Variants in ABCB5 observed in about 807,000 individuals in gnomAD.
The protein encoded by ABCB5 is ATP binding cassette subfamily B member 5.
In ABCB5, 155 loss-of-function variants were observed where a neutral mutation model predicts 144.2. The observed-to-expected ratio is 1.08, with a 90% CI of 0.94 to 1.23. The LOEUF is 1.23. Ranked by LOEUF, ABCB5 falls within the 50% of genes most tolerant of loss-of-function variation. The pLI, the probability that ABCB5 is intolerant of heterozygous loss-of-function variation, is 0.00. For synonymous variants in ABCB5, 610 were observed against 528.6 expected, an observed-to-expected ratio of 1.15 and a Z score of -2.11; for missense variants, 1,830 against 1,520.8, an observed-to-expected ratio of 1.20 and a Z score of -3.38.
intron 1 of ABCB5, among the ~76,000 whole-genome samples, chr7:20,617,790 T>C (rs1317448665): frequency 6.6e-6 from 1 of 152,160 alleles, no homozygotes; most frequent in African/African-American, 2.4e-5. Flanking sequence ...CTGCAAATAT[T>C]AACCAAAAGA....
In ABCB5 at chr7:20,663,638, A is replaced by G. The variant is rs545967364; in HGVS notation, c.1707+4962A>G. Reference sequence around the variant, plus strand: ...GGGTATACAATTTGAATATGAGATGATGAGAAAGTTCTGGAGATGGGTAGT... The same window carrying G: ...GGGTATACAATTTGAATATGAGATGGTGAGAAAGTTCTGGAGATGGGTAGT... On this transcript the variant is annotated intron_variant, in intron 14 of 27. Coordinates refer to ENST00000404938, the MANE Select transcript of ABCB5 (RefSeq NM_001163941.2). 7.9e-5 allele frequency among the ~76,000 whole-genome samples: 12 copies of G among 151,230 alleles called. No homozygotes were observed. In the South Asian group the frequency reaches 2.5e-3, roughly 32 times the overall value.
intron 15 of ABCB5, among the ~76,000 whole-genome samples, chr7:20,682,836 C>T (rs931255609): frequency 2.6e-4 from 40 of 152,276 alleles, no homozygotes; most frequent in African/African-American, 7.2e-4. Context: ...TGGAGGCACA[C>T]GGCAAATTCC....
intron 14 of ABCB5, among the ~76,000 whole-genome samples, chr7:20,669,326 G>T (rs1207918816): frequency 6.8e-6 from 1 of 147,518 alleles, no homozygotes; most frequent in Non-Finnish European, 1.5e-5. Context: ...TCGGATGGTT[G>T]CCGGGTCTGT....
At chr7:20,665,748 T>TAGAC (rs1053672156) in intron 14 of ABCB5, among the ~76,000 whole-genome samples, 1 of 138,574 alleles carries the variant, frequency 7.2e-6, no homozygotes, top group African/African-American at 2.7e-5. Context: ...GATAGATAGA[T>TAGAC]AGATAGATAG....
At chr7:20,643,424 T>G in intron 6 of ABCB5, 37 bp from the exon 7 acceptor site, 1 of 1,613,310 alleles carries the variant, frequency 6.2e-7, no homozygotes, top group South Asian at 1.1e-5. Flanking sequence ...ATATGTGACA[T>G]GTAAATGACC....
chr7:20,701,902 G>C (rs976255313), intron 19 of ABCB5, among the ~76,000 whole-genome samples: 30 of 152,172 alleles, frequency 2.0e-4, no homozygotes, highest in African/African-American at 7.0e-4. Flanking sequence ...TTCTTTGTAA[G>C]CATCTTCACA....
At chr7:20,691,134 G>C (rs1282373883) in intron 16 of ABCB5, among the ~76,000 whole-genome samples, 1 of 147,316 alleles carries the variant, frequency 6.8e-6, no homozygotes, top group Non-Finnish European at 1.5e-5. Flanking sequence ...AGGCCTCGGA[G>C]CCTAGAGGGA....
intron 27 of ABCB5, among the ~76,000 whole-genome samples, chr7:20,754,872 T>C (rs913015471): frequency 9.2e-5 from 14 of 152,184 alleles, no homozygotes. Flanking sequence ...CACTAACATA[T>C]AAACAACTAT....
chr7:20,738,373 G>A (rs1188141579), intron 23 of ABCB5, among the ~76,000 whole-genome samples: 3 of 152,116 alleles, frequency 2.0e-5, no homozygotes, highest in Non-Finnish European at 2.9e-5. Flanking sequence ...TAATTAACAT[G>A]TTTTGAAACT....
In ABCB5 at chr7:20,665,924, C is replaced by T. The variant is rs533242246; in HGVS notation, c.1707+7248C>T. ...GTGGCTCATGCCTGTAATCCCAGAA[C>T]TTTGGAAGGCAGAGACAGGCGGATC... On this transcript the variant is annotated intron_variant, in intron 14 of 27. Transcript: ENST00000404938. 2.0e-5 allele frequency among the ~76,000 whole-genome samples: 3 copies of T among 148,646 alleles called. 1 individual carries two copies. The South Asian group carries it at 6.4e-4, about 32-fold the overall frequency.
At chr7:20,678,520 A>C (rs1453275500) in intron 14 of ABCB5, among the ~76,000 whole-genome samples, 7 of 152,210 alleles carry the variant, frequency 4.6e-5, no homozygotes, top group Non-Finnish European at 1.5e-5. Context: ...ACACAGTAAT[A>C]GTATGAATAG....
chr7:20,704,542 A>G (rs1336423563), intron 19 of ABCB5, among the ~76,000 whole-genome samples, 182 bp from the exon 20 acceptor site: 1 of 152,224 alleles, frequency 6.6e-6, no homozygotes, highest in Non-Finnish European at 1.5e-5. Context: ...TTCAGTTTAT[A>G]TATAAATATA....
At chr7:20,704,910 C>T in intron 20 of ABCB5, 103 bp downstream of exon 20, 1 of 865,458 alleles carries the variant, frequency 1.2e-6, no homozygotes, top group Non-Finnish European at 1.7e-6. Context: ...TGAGATGACC[C>T]ACATCATTAA....
intron 14 of ABCB5, among the ~76,000 whole-genome samples, chr7:20,672,377 A>T (rs1485618551): frequency 6.6e-6 from 1 of 151,686 alleles, no homozygotes; most frequent in African/African-American, 2.4e-5. Context: ...TATTTAAGAA[A>T]TCTTTGAACA....
At chr7:20,684,718 A>C (rs1785936032) in intron 15 of ABCB5, among the ~76,000 whole-genome samples, 1 of 152,242 alleles carries the variant, frequency 6.6e-6, no homozygotes, top group Non-Finnish European at 1.5e-5. Context: ...CTGATTAAAG[A>C]TGTTTGGATA....
chr7:20,715,918 C>T (rs1220870680), intron 20 of ABCB5, among the ~76,000 whole-genome samples: 1 of 151,898 alleles, frequency 6.6e-6, no homozygotes, highest in Non-Finnish European at 1.5e-5. Context: ...CGGGCTTTCA[C>T]CACGTTGGTC....
In ABCB5 at chr7:20,684,202, ATTAT is replaced by A. The variant is rs1350705454; in HGVS notation, c.1870-1486_1870-1483del. 2.5e-4 allele frequency among the ~76,000 whole-genome samples: 38 copies of A among 152,300 alleles called. No individual in the cohort carries two copies. The South Asian group carries it at 7.5e-3, about 30-fold the overall frequency. On this transcript the variant is annotated intron_variant, in intron 15 of 27. Transcript: ENST00000404938. ...TCAAACTATGGAGACTAATATTATA[ATTAT>A]TTATTTAGACTGTCCATGGTTATAT... is the stretch of plus-strand genomic sequence containing the variant.
intron 13 of ABCB5, among the ~76,000 whole-genome samples, chr7:20,657,377 T>G (rs1338154914): frequency 1.3e-5 from 2 of 152,254 alleles, no homozygotes; most frequent in African/African-American, 4.8e-5. Context: ...TTCTTGTGTG[T>G]TGTTTGTTTT....
At chr7:20,755,352 C>T (rs1055806283) in intron 27 of ABCB5, 75 bp from the exon 28 acceptor site, 8 of 1,351,700 alleles carry the variant, frequency 5.9e-6, no homozygotes, top group African/African-American at 1.4e-5. Context: ...ATTAGACTAC[C>T]TTAATTGATT....
Sources: gnomAD v4.1 joint callset for allele counts (sites outside exome capture counted in the v4.1 genomes callset) on GRCh38, gnomAD v4.1.1 for gene constraint, MANE v1.5 for transcripts, NCBI Gene and HGNC (gene_info 2026-07-23, HGNC 2026-07-21) for gene names.